Variants in RREB1 observed in about 807,000 individuals in gnomAD.
The protein encoded by RREB1 is ras responsive element binding protein 1.
In RREB1, 27 loss-of-function variants were observed where a neutral mutation model predicts 117.8. That is an observed-to-expected ratio of 0.23 (90% CI 0.17 to 0.32). The LOEUF (loss-of-function observed/expected upper bound fraction) is 0.32. Among genes scored for constraint, RREB1 ranks in the 10% least tolerant of loss-of-function variants. The pLI, the probability that RREB1 is intolerant of heterozygous loss-of-function variation, is 1.00. For missense variants in RREB1, 2,577 were observed against 2,378.2 expected, an observed-to-expected ratio of 1.08 and a Z score of -1.74; for synonymous variants, 1,298 against 1,026.7, an observed-to-expected ratio of 1.26 and a Z score of -5.05.
At chr6:7,172,924 C>G (rs1329359830) in intron 1 of RREB1, among the ~76,000 whole-genome samples, 3 of 152,216 alleles carry the variant, frequency 2.0e-5, no homozygotes, top group African/African-American at 4.8e-5. Context: ...CCCAGCCTAG[C>G]CAAGACTCAG....
chr6:7,226,417 C>A, intron 8 of RREB1, 50 bp from the exon 9 acceptor site: 3 of 1,418,508 alleles, frequency 2.1e-6, no homozygotes, highest in Non-Finnish European at 2.9e-6. Flanking sequence ...TAACTGCTTC[C>A]TCATATGCTC....
chr6:7,247,018 C>A lies in RREB1; in HGVS notation c.4568C>A (p.Ala1523Glu), dbSNP rs35212112. Reference protein sequence around the residue: ...GAGEAPAEKLAEETEGPSDGE... With the variant: ...GAGEAPAEKLEEETEGPSDGE... Reference sequence around the variant, plus strand: ...GGGGAGGCCCCGGCGGAAAAGCTCGCGGAGGAGACGGAGGGCCCCTCCGAC... The same window carrying A: ...GGGGAGGCCCCGGCGGAAAAGCTCGAGGAGGAGACGGAGGGCCCCTCCGAC... Residue 1523 changes from alanine (A) to glutamate (E), a missense_variant, in exon 12 of 13, where the codon GCG (alanine) becomes GAG (glutamate). By Grantham distance (107) the Ala-to-Glu change is moderately radical. Transcript: ENST00000379938. 1.5e-5 allele frequency: 24 copies of A among 1,610,694 alleles called. No individual in the cohort carries two copies. The African/African-American group carries it at 3.1e-4, about 21-fold the overall frequency.
Position 7,228,495 on chromosome 6 carries a change from CTTTT to C in RREB1, c.898-479_898-476del, listed in dbSNP as rs568193582. Among the ~76,000 whole-genome samples, 322 of 91,196 alleles carry C rather than the reference CTTTT, an allele frequency of 3.5e-3. 6 individuals are homozygous for C. The highest frequency in any genetic ancestry group is 0.024 in the Admixed American group (205 of 8,540). 59.8% of individuals were successfully genotyped at this position (91,196 alleles called of 152,430 possible). Reference sequence around the variant, plus strand: ...GTGTTAGCAAGCAGGAGAAGGTCAACTTTTTTTTTTTTTTTTTTTTTTTTTTAAG... The same window carrying C: ...GTGTTAGCAAGCAGGAGAAGGTCAACTTTTTTTTTTTTTTTTTTTTTTAAG... On this transcript the variant is annotated intron_variant, in intron 9 of 12. Transcript: ENST00000379938.
At chr6:7,174,394 C>T (rs1260544120) in intron 1 of RREB1, among the ~76,000 whole-genome samples, 2 of 152,016 alleles carry the variant, frequency 1.3e-5, no homozygotes, top group Non-Finnish European at 2.9e-5. Context: ...TCAGCCTAGC[C>T]CTCTTTCTCT....
rs144464658 is a variant in RREB1, at chr6:7,238,977, G to A, written c.3809-1461G>A. On this transcript the variant is annotated intron_variant, in intron 10 of 12. Transcript: ENST00000379938. ...CACCTTCAGGCTCTGTATGAATGGC[G>A]CCCCCTGGAGTCGTGTGACACAGCC... 6.7e-3 allele frequency among the ~76,000 whole-genome samples: 1,026 copies of A among 152,274 alleles called. 7 individuals are homozygous for A. Among genetic ancestry groups the A allele is most frequent in the Non-Finnish European group, 8.7e-3 (593 of 68,016 alleles).
intron 1 of RREB1, among the ~76,000 whole-genome samples, chr6:7,171,067 G>C (rs567797894): frequency 6.6e-6 from 1 of 152,174 alleles, no homozygotes; most frequent in Admixed American, 6.5e-5. Flanking sequence ...TCCCTGCCTC[G>C]TGTTGGTGGA....
Position 7,250,311 on chromosome 6 carries a change from A to G in RREB1, c.*1343A>G, listed in dbSNP as rs1202952115. The G allele has an allele frequency of 6.6e-6, 1 of 152,176 alleles. No homozygotes were observed. Among genetic ancestry groups the G allele is most frequent in the Non-Finnish European group, 1.5e-5 (1 of 68,016 alleles). 9.4% of individuals were successfully genotyped at this position (152,176 alleles called of 1,614,324 possible). Reference sequence around the variant, plus strand: ...ACACATGCAAGATGTCAGATAAGAAATAGGTTTATATTTACCTTCCTGCGA... The same window carrying G: ...ACACATGCAAGATGTCAGATAAGAAGTAGGTTTATATTTACCTTCCTGCGA... On this transcript the variant is annotated 3_prime_UTR_variant, in exon 13 of 13. Transcript: ENST00000379938.
Position 7,230,665 on chromosome 6 carries a change from T to C in RREB1, c.2566T>C (p.Cys856Arg). Reference sequence around the variant, plus strand: ...CAGTGGCTGCGCTGCCCTTGGTGACTGCAAGCCCCTCACTGCCTTCCTGGA... The same window carrying C: ...CAGTGGCTGCGCTGCCCTTGGTGACCGCAAGCCCCTCACTGCCTTCCTGGA... ...EDSGCAALGD[C>R]KPLTAFLEPQ... The change falls in exon 10 of 13, where the codon TGC (cysteine) becomes CGC (arginine). Residue 856 changes from cysteine (C) to arginine (R), a missense_variant. Physicochemically the swap from Cys to Arg is radical, Grantham distance 180. Transcript: ENST00000379938. 6.3e-7 allele frequency: 1 copy of C among 1,596,274 alleles called. No homozygotes were observed. The highest frequency in any genetic ancestry group is 8.5e-7 in the Non-Finnish European group (1 of 1,170,996).
chr6:7,149,873 G>T (rs1763036122), intron 1 of RREB1, among the ~76,000 whole-genome samples: 1 of 152,098 alleles, frequency 6.6e-6, no homozygotes, highest in African/African-American at 2.4e-5. Context: ...ATTTTTAGTA[G>T]AGACGGGGTT....
chr6:7,113,748 C>T lies in RREB1; in HGVS notation c.-285+5688C>T, dbSNP rs538606472. ...ATGGTGTGTGGTTTTTAAATAAGAC[C>T]AGATCCTTTTCAAAATAAACCTAAT... On this transcript the variant is annotated intron_variant, in intron 1 of 12. Coordinates refer to ENST00000379938, the MANE Select transcript of RREB1 (RefSeq NM_001003699.4). Among the ~76,000 whole-genome samples the T allele has an allele frequency of 2.0e-5, 3 of 152,246 alleles. No individual in the cohort carries two copies. In the East Asian group the frequency reaches 5.8e-4, roughly 29 times the overall value.
chr6:7,217,446 A>G (rs1766967941), intron 8 of RREB1: 1 of 152,192 alleles, frequency 6.6e-6, no homozygotes, highest in African/African-American at 2.4e-5. Flanking sequence ...GCATTAGGAA[A>G]TGCTCCCAGC....
At chr6:7,200,692 A>G (rs1323276008) in intron 6 of RREB1, among the ~76,000 whole-genome samples, 1 of 152,248 alleles carries the variant, frequency 6.6e-6, no homozygotes, top group Non-Finnish European at 1.5e-5. Context: ...GAGCATAACA[A>G]TCATAAAACT....
chr6:7,171,933 G>A (rs1764231039), intron 1 of RREB1, among the ~76,000 whole-genome samples: 1 of 151,886 alleles, frequency 6.6e-6, no homozygotes, highest in African/African-American at 2.4e-5. Flanking sequence ...AGGTTAAAGA[G>A]CCTGACCATT....
chr6:7,165,780 C>T (rs527598242), intron 1 of RREB1, among the ~76,000 whole-genome samples: 4 of 152,076 alleles, frequency 2.6e-5, no homozygotes, highest in African/African-American at 9.6e-5. Context: ...AATTATTGCC[C>T]GGGTATGAAA....
chr6:7,111,516 T>C (rs1761145038), intron 1 of RREB1, among the ~76,000 whole-genome samples: 1 of 152,208 alleles, frequency 6.6e-6, no homozygotes, highest in Non-Finnish European at 1.5e-5. Flanking sequence ...AGGATAAGGG[T>C]TGCTAAGCAG....
chr6:7,204,879 C>T (rs1766183814), intron 6 of RREB1, among the ~76,000 whole-genome samples: 1 of 152,202 alleles, frequency 6.6e-6, no homozygotes, highest in African/African-American at 2.4e-5. Flanking sequence ...GCAGCTATGA[C>T]TAAGTAATCT....
At chr6:7,220,669 C>T (rs1767195826) in intron 8 of RREB1, among the ~76,000 whole-genome samples, 1 of 152,218 alleles carries the variant, frequency 6.6e-6, no homozygotes, top group Non-Finnish European at 1.5e-5. Context: ...GTAAACCTTT[C>T]CTCTGGCACA....
chr6:7,165,587 G>A (rs1391339172), intron 1 of RREB1, among the ~76,000 whole-genome samples: 2 of 152,202 alleles, frequency 1.3e-5, no homozygotes, highest in African/African-American at 4.8e-5. Context: ...ACATTAAATA[G>A]GCATCAGCTT....
chr6:7,197,828 G>T (rs1765746837), intron 6 of RREB1, among the ~76,000 whole-genome samples: 1 of 152,196 alleles, frequency 6.6e-6, no homozygotes. Flanking sequence ...GCTTCAGGAA[G>T]AGGCTTATAT....
Sources: allele counts gnomAD v4.1 joint callset (sites outside exome capture counted in the v4.1 genomes callset), GRCh38; gene constraint gnomAD v4.1.1; transcripts MANE v1.5; gene names NCBI Gene and HGNC (gene_info 2026-07-23, HGNC 2026-07-21).